LANCL2: variants seen among roughly 807,000 people sequenced by gnomAD.
LANCL2 encodes the protein lanC-like protein 2.
A neutral mutation model predicts 56.9 loss-of-function variants in LANCL2; 33 were observed. The observed-to-expected ratio is 0.58, with a 90% CI of 0.44 to 0.78. The LOEUF is 0.78. LANCL2 is among the 30% of genes least tolerant of loss of function. The pLI is 0.00. For synonymous variants in LANCL2, 233 were observed against 228.2 expected (o/e 1.02, Z -0.19); for missense variants, 562 against 580.2 (o/e 0.97, Z 0.32).
At chr7:55,368,795 T>C (rs1789904521) in intron 1 of LANCL2, among the ~76,000 whole-genome samples, 1 of 134,648 alleles carries the variant, frequency 7.4e-6, no homozygotes, top group Non-Finnish European at 1.6e-5. Flanking sequence ...GTAATTAAGA[T>C]GATGTAATAC....
chr7:55,402,390 T>C (rs1472252292), intron 5 of LANCL2, among the ~76,000 whole-genome samples: 4 of 70,756 alleles, frequency 5.7e-5, no homozygotes, highest in Admixed American at 1.4e-4. Context: ...GAGGCGCCCC[T>C]CACCTCCCGG....
At chr7:55,409,874 G>C (rs1790452948) in intron 5 of LANCL2, among the ~76,000 whole-genome samples, 3 of 152,186 alleles carry the variant, frequency 2.0e-5, no homozygotes, top group African/African-American at 4.8e-5. Flanking sequence ...AGGTGTAAAA[G>C]AATATCTGTA....
At chr7:55,369,606 T>G (rs1184012941) in intron 1 of LANCL2, among the ~76,000 whole-genome samples, 2 of 152,174 alleles carry the variant, frequency 1.3e-5, no homozygotes, top group Non-Finnish European at 2.9e-5. Context: ...TAACAGCCAT[T>G]TCCTCCTTTT....
At chr7:55,366,590 C>T (rs1789875537) in intron 1 of LANCL2, among the ~76,000 whole-genome samples, 1 of 152,186 alleles carries the variant, frequency 6.6e-6, no homozygotes, top group African/African-American at 2.4e-5. Flanking sequence ...CTACCTGCTC[C>T]TCAGAAGTGG....
chr7:55,421,660 A>G (rs192245707), intron 6 of LANCL2, among the ~76,000 whole-genome samples: 2 of 151,932 alleles, frequency 1.3e-5, no homozygotes, highest in African/African-American at 4.8e-5. Context: ...TTAACTCTTT[A>G]ACTGTATCTA....
intron 5 of LANCL2, among the ~76,000 whole-genome samples, chr7:55,410,261 T>C (rs1048770575): frequency 6.6e-6 from 1 of 152,232 alleles, no homozygotes; most frequent in African/African-American, 2.4e-5. Context: ...AAGAAAGTAA[T>C]TTTAAAAGTA....
intron 1 of LANCL2, among the ~76,000 whole-genome samples, chr7:55,372,588 G>A (rs758328884): frequency 2.0e-5 from 3 of 152,124 alleles, no homozygotes; most frequent in Non-Finnish European, 2.9e-5. Flanking sequence ...CATTCAGAAC[G>A]GTGCTGAGTA....
intron 6 of LANCL2, among the ~76,000 whole-genome samples, chr7:55,420,669 A>G (rs1790598678): frequency 6.6e-6 from 1 of 152,238 alleles, no homozygotes; most frequent in Admixed American, 6.5e-5. Context: ...GCAACCACTC[A>G]GTTCTATCAT....
intron 1 of LANCL2, among the ~76,000 whole-genome samples, chr7:55,377,893 G>A (rs1003280177): frequency 4.6e-5 from 7 of 152,324 alleles, no homozygotes; most frequent in African/African-American, 1.7e-4. Context: ...ATGACTGAGT[G>A]AAGGCTGTAA....
chr7:55,431,242 T>G lies in LANCL2; in HGVS notation c.1275T>G (p.Ile425Met). The G allele has an allele frequency of 6.2e-7, 1 of 1,613,470 alleles. No homozygotes were observed. ...YSLFEGMAGA[I>M]HFLSDVLGPE... Reference sequence around the variant, plus strand: ...ACATTGCAGGCATGGCTGGCGCTATTCACTTTCTCTCTGATGTCCTGGGAC... The same window carrying G: ...ACATTGCAGGCATGGCTGGCGCTATGCACTTTCTCTCTGATGTCCTGGGAC... The change falls in exon 9 of 9, where the codon ATT (isoleucine) becomes ATG (methionine). Residue 425 changes from isoleucine to methionine, a missense_variant. Ile to Met is a conservative substitution (Grantham distance 10, BLOSUM62 1). Coordinates refer to ENST00000254770, the MANE Select transcript of LANCL2 (RefSeq NM_018697.4).
chr7:55,380,128 C>T (rs998607432), intron 1 of LANCL2, among the ~76,000 whole-genome samples: 1 of 152,174 alleles, frequency 6.6e-6, no homozygotes, highest in Admixed American at 6.5e-5. Flanking sequence ...ATGTTTTAGT[C>T]ACTTAATAGA....
chr7:55,428,117 G>A lies in LANCL2; in HGVS notation c.1186-258G>A, dbSNP rs1329803697. ...AAGGTGCCAGGGAGAACAGAGTGTC[G>A]TTGAGCCGTTCGGTTTTCACCTCGG... On this transcript the variant is annotated intron_variant, in intron 7 of 8. Coordinates refer to ENST00000254770, the MANE Select transcript of LANCL2 (RefSeq NM_018697.4). The A allele has an allele frequency of 1.3e-4, 73 of 544,082 alleles. 1 individual carries two copies. The highest frequency in any genetic ancestry group is 2.4e-4 in the African/African-American group (13 of 53,128). 33.7% of individuals were successfully genotyped at this position (544,082 alleles called of 1,614,324 possible).
chr7:55,382,184 G>T (rs1790076573), intron 1 of LANCL2, among the ~76,000 whole-genome samples: 1 of 152,160 alleles, frequency 6.6e-6, no homozygotes, highest in Admixed American at 6.5e-5. Flanking sequence ...ACCAGATAGT[G>T]AAACTAGTAT....
intron 6 of LANCL2, 145 bp from the exon 7 acceptor site, chr7:55,425,109 T>G (rs1476121351): frequency 8.2e-6 from 6 of 730,238 alleles, no homozygotes; most frequent in Non-Finnish European, 4.4e-6. Context: ...GCTGGTGTTT[T>G]TTTGTTTGTT....
At chr7:55,422,160 T>C (rs538019866) in intron 6 of LANCL2, among the ~76,000 whole-genome samples, 1 of 152,380 alleles carries the variant, frequency 6.6e-6, no homozygotes, top group Admixed American at 6.5e-5. Flanking sequence ...AAGATCCTGA[T>C]TTCTATCTGG....
At chr7:55,386,536 A>G (rs1050369341) in intron 1 of LANCL2, among the ~76,000 whole-genome samples, 1 of 152,198 alleles carries the variant, frequency 6.6e-6, no homozygotes, top group Non-Finnish European at 1.5e-5. Flanking sequence ...AGTAATGCCA[A>G]GGCTGCTGTG....
At chr7:55,407,320 G>A (rs1357827880) in intron 5 of LANCL2, among the ~76,000 whole-genome samples, 3 of 152,140 alleles carry the variant, frequency 2.0e-5, no homozygotes, top group Non-Finnish European at 4.4e-5. Flanking sequence ...CTCAGGCACC[G>A]TCACCTCTCC....
intron 4 of LANCL2, among the ~76,000 whole-genome samples, chr7:55,400,329 AG>A (rs1231632386): frequency 1.3e-5 from 2 of 152,232 alleles, no homozygotes; most frequent in Non-Finnish European, 2.9e-5. Flanking sequence ...GGAGCTAAAC[AG>A]CAGCAGCTTC....
intron 5 of LANCL2, among the ~76,000 whole-genome samples, chr7:55,408,360 A>G (rs1790433656): frequency 6.6e-6 from 1 of 152,124 alleles, no homozygotes; most frequent in South Asian, 2.1e-4. Context: ...TAACACAAAA[A>G]TATGCTCTAG....
Sources: gnomAD v4.1 joint callset for allele counts (sites outside exome capture counted in the v4.1 genomes callset) on GRCh38, gnomAD v4.1.1 for gene constraint, MANE v1.5 for transcripts, NCBI Gene and HGNC (gene_info 2026-07-23, HGNC 2026-07-21) for gene names.